CAB39: variants seen among roughly 807,000 people sequenced by gnomAD.
CAB39 encodes calcium-binding protein 39.
Under a neutral mutation model 40.0 loss-of-function variants are expected in CAB39, and 8 were observed. The ratio of observed to expected loss-of-function variants is 0.20; its 90% CI spans 0.12 to 0.36. CAB39 has a LOEUF of 0.36. Ranked by LOEUF, CAB39 falls within the 10% of genes least tolerant of loss-of-function variation. CAB39 has a pLI of 1.00. For missense variants in CAB39, 270 were observed against 401.1 expected, an observed-to-expected ratio of 0.67 and a Z score of 2.79; for synonymous variants, 156 against 141.6, an observed-to-expected ratio of 1.10 and a Z score of -0.72.
chr2:230,718,169 G>A (rs1368992727), intron 1 of CAB39, among the ~76,000 whole-genome samples: 1 of 152,122 alleles, frequency 6.6e-6, no homozygotes, highest in African/African-American at 2.4e-5. Context: ...AATTGTTGAG[G>A]ACCACGGAAG....
At position 230,748,548 on chromosome 2, in the gene CAB39, G is replaced by C. The variant is rs891059688; in HGVS notation, c.-43-11411G>C. 1.3e-5 allele frequency among the ~76,000 whole-genome samples: 2 copies of C among 152,016 alleles called. 1 individual carries two copies. On this transcript the variant is annotated intron_variant, in intron 1 of 8. Coordinates refer to ENST00000258418, the MANE Select transcript of CAB39 (RefSeq NM_016289.4). ...GGGTTGGGTGCGGTGGCTCATGCCT[G>C]TAATCCCAGCACTTTGGGAGACCAA...
At chr2:230,812,100 C>A (rs1279441076) in intron 6 of CAB39, among the ~76,000 whole-genome samples, 1 of 152,146 alleles carries the variant, frequency 6.6e-6, no homozygotes, top group Non-Finnish European at 1.5e-5. Context: ...TTTCTAATAA[C>A]CAAAGCGTAG....
intron 2 of CAB39, among the ~76,000 whole-genome samples, chr2:230,781,972 C>G (rs1329334469): frequency 2.0e-5 from 3 of 152,162 alleles, no homozygotes; most frequent in Non-Finnish European, 4.4e-5. Context: ...TCAAGATAGT[C>G]TCGTGACTCA....
intron 2 of CAB39, among the ~76,000 whole-genome samples, chr2:230,781,442 TC>T (rs1191359782): frequency 2.0e-5 from 3 of 152,204 alleles, no homozygotes; most frequent in Non-Finnish European, 4.4e-5. Flanking sequence ...CATCACTTTT[TC>T]TACAGTGCTC....
At position 230,813,978 on chromosome 2, in the gene CAB39, C is replaced by CTTTTTT. The variant is rs1160253213; in HGVS notation, c.628-42_628-37dup. On this transcript the variant is annotated intron_variant, in intron 6 of 8. Transcript: ENST00000258418. ...CTAATTTACAATGTTACCTACCAGTCTTTTTTTTTTTTTTTTTTTTTTTTT... is the reference window on the plus strand; with the variant it reads ...CTAATTTACAATGTTACCTACCAGTCTTTTTTTTTTTTTTTTTTTTTTTTTTTTTTT... The CTTTTTT allele has an allele frequency of 1.9e-3, 215 of 113,104 alleles. 61 individuals are homozygous for CTTTTTT. The highest frequency in any genetic ancestry group is 2.3e-3 in the Non-Finnish European group (151 of 66,348). The allele number at this position is 113,104 out of a possible 1,614,324, so 7.0% of individuals were successfully genotyped here. A position where few individuals can be genotyped will look rare whatever the true frequency, so the allele number is the denominator to read the frequency against.
At chr2:230,714,218 A>G (rs1010632828) in intron 1 of CAB39, among the ~76,000 whole-genome samples, 2 of 152,212 alleles carry the variant, frequency 1.3e-5, no homozygotes, top group Admixed American at 6.5e-5. Context: ...CAGCATTCTA[A>G]GAGAAACTTA....
At chr2:230,791,734 G>A (rs1470206300) in intron 3 of CAB39, among the ~76,000 whole-genome samples, 1 of 152,202 alleles carries the variant, frequency 6.6e-6, no homozygotes, top group Non-Finnish European at 1.5e-5. Context: ...TGCATCTCCT[G>A]CCCAGCCCTG....
At chr2:230,715,502 A>G (rs1694332387) in intron 1 of CAB39, among the ~76,000 whole-genome samples, 1 of 152,180 alleles carries the variant, frequency 6.6e-6, no homozygotes, top group South Asian at 2.1e-4. Context: ...CATGGCTGGT[A>G]TACCATCCCC....
At chr2:230,741,355 G>A (rs1386457454) in intron 1 of CAB39, among the ~76,000 whole-genome samples, 2 of 152,280 alleles carry the variant, frequency 1.3e-5, no homozygotes, top group Middle Eastern at 3.4e-3. Context: ...ATGCCTCCAT[G>A]CTTAAGACAC....
At chr2:230,773,233 TTGG>T (rs1448217009) in intron 2 of CAB39, among the ~76,000 whole-genome samples, 2 of 151,850 alleles carry the variant, frequency 1.3e-5, no homozygotes, top group African/African-American at 4.8e-5. Flanking sequence ...CATAAAGCTT[TTGG>T]TGGTTACGGT....
intron 1 of CAB39, among the ~76,000 whole-genome samples, chr2:230,753,658 T>A (rs1390274661): frequency 6.6e-6 from 1 of 150,990 alleles, no homozygotes; most frequent in African/African-American, 2.4e-5. Flanking sequence ...GAGGCAGAAT[T>A]GCTTGAACCC....
At chr2:230,725,577 G>A (rs895877655) in intron 1 of CAB39, among the ~76,000 whole-genome samples, 3 of 152,122 alleles carry the variant, frequency 2.0e-5, no homozygotes, top group Non-Finnish European at 4.4e-5. Flanking sequence ...TAATTGGCCC[G>A]AAGTTATACA....
At chr2:230,753,637 C>CT (rs1275476762) in intron 1 of CAB39, among the ~76,000 whole-genome samples, 4 of 151,112 alleles carry the variant, frequency 2.6e-5, no homozygotes, top group African/African-American at 9.8e-5. Flanking sequence ...GTCCCAGCTA[C>CT]TGGGGAGGCT....
chr2:230,786,313 C>G (rs923423991), intron 2 of CAB39, among the ~76,000 whole-genome samples: 1 of 139,488 alleles, frequency 7.2e-6, no homozygotes, highest in Non-Finnish European at 1.5e-5. Context: ...CCATAAATAG[C>G]TTTCTAATTA....
intron 1 of CAB39, among the ~76,000 whole-genome samples, chr2:230,719,620 G>T (rs149540642): frequency 1.7e-3 from 254 of 152,324 alleles, no homozygotes; most frequent in African/African-American, 5.7e-3. Context: ...TGGGAGGCCT[G>T]TGTTACAGTG....
chr2:230,725,479 C>G, intron 1 of CAB39: 1 of 1,242,436 alleles, frequency 8.0e-7, no homozygotes. Context: ...GCGGATACCT[C>G]CCGTTTAATC....
At chr2:230,803,135 A>G (rs1171314429) in intron 5 of CAB39, among the ~76,000 whole-genome samples, 3 of 152,220 alleles carry the variant, frequency 2.0e-5, no homozygotes, top group African/African-American at 7.2e-5. Context: ...CGTCACATAA[A>G]CAGAACCAAA....
At position 230,818,345 on chromosome 2, in the gene CAB39, A is replaced by T. The variant is rs945938923; in HGVS notation, c.838-171A>T. Among the ~76,000 whole-genome samples, 6 of 151,686 alleles carry T rather than the reference A, an allele frequency of 4.0e-5. No individual in the cohort carries two copies. In the South Asian group the frequency reaches 8.3e-4, roughly 21 times the overall value. On this transcript the variant is annotated intron_variant, in intron 8 of 8. Transcript: ENST00000258418. ...ATTTGTGTTAAAACATGTAATTATT[A>T]TTTTTTTTTCCAAATTGTAAAATAA...
At chr2:230,785,527 G>A (rs1292425502) in intron 2 of CAB39, among the ~76,000 whole-genome samples, 7 of 151,944 alleles carry the variant, frequency 4.6e-5, no homozygotes. Flanking sequence ...GAGGTAACAG[G>A]CAGGGTGAGT....
Sources: gnomAD v4.1 joint callset for allele counts (sites outside exome capture counted in the v4.1 genomes callset) on GRCh38, gnomAD v4.1.1 for gene constraint, MANE v1.5 for transcripts, NCBI Gene and HGNC (gene_info 2026-07-23, HGNC 2026-07-21) for gene names.